The following DAB1 variants were observed in gnomAD, a reference collection of about 807,000 sequenced individuals.
The protein encoded by DAB1 is disabled homolog 1.
DAB1 carries 15 observed loss-of-function variants against 64.6 expected under a neutral mutation model. The ratio of observed to expected loss-of-function variants is 0.23; its 90% CI spans 0.16 to 0.36. DAB1 has a LOEUF of 0.36. DAB1 is among the 10% of genes least tolerant of loss of function. The pLI is 1.00. For missense variants in DAB1, 596 were observed against 706.7 expected, an observed-to-expected ratio of 0.84 and a Z score of 1.78; for synonymous variants, 235 against 251.9, an observed-to-expected ratio of 0.93 and a Z score of 0.64.
chr1:57,739,684 CT>C (rs1193454663), intron 6 of DAB1, among the ~76,000 whole-genome samples: 8 of 150,912 alleles, frequency 5.3e-5, no homozygotes, highest in African/African-American at 2.0e-4. Context: ...AACTCCTGAT[CT>C]CAAACAATCT....
intron 4 of DAB1, among the ~76,000 whole-genome samples, chr1:58,300,612 GAGAGAGAGA>G (rs1662119360): frequency 2.2e-5 from 1 of 44,552 alleles, no homozygotes; most frequent in African/African-American, 7.4e-5. Flanking sequence ...AAGAAAGAAA[GAGAGAGAGA>G]GAGAGAGAGA....
chr1:57,676,609 T>C (rs547222710), intron 6 of DAB1, among the ~76,000 whole-genome samples: 6 of 152,264 alleles, frequency 3.9e-5, no homozygotes, highest in African/African-American at 1.4e-4. Flanking sequence ...CGATAACTAT[T>C]GGCCCAAGGG....
chr1:57,960,433 A>T (rs917979403), intron 5 of DAB1, among the ~76,000 whole-genome samples: 2 of 152,150 alleles, frequency 1.3e-5, no homozygotes, highest in African/African-American at 4.8e-5. Context: ...CAATACAGGA[A>T]AATTTCCTTT....
chr1:58,523,296 T>G (rs1455138089), intron 2 of DAB1, among the ~76,000 whole-genome samples: 2 of 152,242 alleles, frequency 1.3e-5, no homozygotes, highest in Admixed American at 6.5e-5. Context: ...AACATCTGGA[T>G]AGTTTGCTTC....
At chr1:57,059,130 G>A (rs764469573) in intron 9 of DAB1, among the ~76,000 whole-genome samples, 1 of 152,148 alleles carries the variant, frequency 6.6e-6, no homozygotes, top group Non-Finnish European at 1.5e-5. Context: ...AGCAACATGT[G>A]GATATGTTCT....
chr1:57,640,956 A>G (rs921737481), intron 7 of DAB1, among the ~76,000 whole-genome samples: 4 of 152,218 alleles, frequency 2.6e-5, no homozygotes, highest in Non-Finnish European at 5.9e-5. Flanking sequence ...TGAAATTCCT[A>G]TAGAAATGTC....
chr1:58,545,755 T>C (rs956534462), intron 1 of DAB1, among the ~76,000 whole-genome samples: 2 of 152,184 alleles, frequency 1.3e-5, no homozygotes, highest in African/African-American at 4.8e-5. Context: ...TTGCTGAAAA[T>C]GACTATTTCT....
chr1:58,473,797 G>A, intron 3 of DAB1: 1 of 558,696 alleles, frequency 1.8e-6, no homozygotes, highest in South Asian at 1.5e-5. Context: ...AGAACGCTCT[G>A]CAGAGAAAGT....
chr1:58,377,451 CT>C (rs1644339523), intron 3 of DAB1, among the ~76,000 whole-genome samples: 1 of 138,032 alleles, frequency 7.2e-6, no homozygotes, highest in African/African-American at 2.7e-5. Flanking sequence ...CTTAGTTTGG[CT>C]GGATATGAAA....
intron 5 of DAB1, among the ~76,000 whole-genome samples, chr1:58,044,459 A>G (rs1647197263): frequency 6.6e-6 from 1 of 151,678 alleles, no homozygotes; most frequent in Admixed American, 6.6e-5. Flanking sequence ...GTATGCGACC[A>G]ACTCCTTTAT....
chr1:58,089,576 T>C (rs1184383303), intron 5 of DAB1, among the ~76,000 whole-genome samples: 1 of 152,220 alleles, frequency 6.6e-6, no homozygotes, highest in East Asian at 1.9e-4. Context: ...ATGGTCTGAA[T>C]TCTTTACATC....
intron 5 of DAB1, among the ~76,000 whole-genome samples, chr1:58,110,898 A>G (rs1261502418): frequency 6.6e-6 from 1 of 152,218 alleles, no homozygotes; most frequent in Non-Finnish European, 1.5e-5. Flanking sequence ...TCAACTCCTC[A>G]GGCCACCAGA....
chr1:57,505,125 G>C (rs1456550617), intron 7 of DAB1, among the ~76,000 whole-genome samples: 1 of 152,000 alleles, frequency 6.6e-6, no homozygotes, highest in African/African-American at 2.4e-5. Flanking sequence ...AAAAAAAAAA[G>C]TACCTTACTA....
At chr1:58,503,344 G>T (rs903745968) in intron 3 of DAB1, among the ~76,000 whole-genome samples, 1 of 152,142 alleles carries the variant, frequency 6.6e-6, no homozygotes, top group Non-Finnish European at 1.5e-5. Flanking sequence ...AGTTACTGAA[G>T]AAATACATAA....
intron 3 of DAB1, among the ~76,000 whole-genome samples, chr1:58,474,478 C>T (rs111625587): frequency 2.0e-5 from 3 of 151,998 alleles, no homozygotes; most frequent in Non-Finnish European, 4.4e-5. Flanking sequence ...GTGATAAGCT[C>T]AGGTCAAAGC....
At chr1:57,895,895 G>C (rs11207128) in intron 5 of DAB1, among the ~76,000 whole-genome samples, 12 of 152,016 alleles carry the variant, frequency 7.9e-5, no homozygotes, top group African/African-American at 2.9e-4. Context: ...GCCTGTGAAA[G>C]AGCTATCAAA....
chr1:57,014,657 A>G (rs965751659), intron 12 of DAB1, among the ~76,000 whole-genome samples: 2 of 152,252 alleles, frequency 1.3e-5, no homozygotes, highest in Admixed American at 6.5e-5. Flanking sequence ...TTTATCATTA[A>G]GCATTATTAT....
chr1:57,939,224 C>G (rs1645068532), intron 5 of DAB1, among the ~76,000 whole-genome samples: 3 of 152,120 alleles, frequency 2.0e-5, no homozygotes, highest in Admixed American at 2.0e-4. Flanking sequence ...TCTGGTCTCT[C>G]TGTCCCCTTA....
At chr1:58,331,447 T>C (rs1362574157) in intron 4 of DAB1, among the ~76,000 whole-genome samples, 4 of 152,208 alleles carry the variant, frequency 2.6e-5, no homozygotes, top group African/African-American at 9.6e-5. Flanking sequence ...AGAAGATTGG[T>C]CCAATTTTGA....
Sources: allele counts gnomAD v4.1 joint callset (sites outside exome capture counted in the v4.1 genomes callset), GRCh38; gene constraint gnomAD v4.1.1; transcripts MANE v1.5; gene names NCBI Gene and HGNC (gene_info 2026-07-23, HGNC 2026-07-21).